MCM9: variants seen among roughly 807,000 people sequenced by gnomAD.
MCM9 encodes DNA helicase MCM9.
A neutral mutation model predicts 72.8 loss-of-function variants in MCM9; 55 were observed. The ratio of observed to expected loss-of-function variants is 0.76; its 90% CI spans 0.61 to 0.95. The LOEUF (loss-of-function observed/expected upper bound fraction) is 0.95. Among genes scored for constraint, MCM9 ranks in the 40% least tolerant of loss-of-function variants. The pLI is 0.00. For synonymous variants in MCM9, 480 were observed against 503.4 expected (o/e 0.95, Z 0.62); for missense variants, 1,279 against 1,377.0 (o/e 0.93, Z 1.13).
chr6:118,815,829 TG>T lies in MCM9; in HGVS notation c.2426del (p.Pro809HisfsTer15), dbSNP rs1422953786. 3 of 1,539,534 alleles carry T rather than the reference TG, an allele frequency of 1.9e-6. No homozygotes were observed. Among genetic ancestry groups the T allele is most frequent in the South Asian group, 1.2e-5 (1 of 84,064 alleles). On this transcript the variant is annotated frameshift_variant, in exon 14 of 14. Transcript: ENST00000619706. LOFTEE classifies it low-confidence loss of function (END_TRUNC). ...LLPSPGETGV[P>X]WRADNVESNK... ...TACTTTCCACATTGTCTGCCCTCCA[TG>T]GAACACCTGTCTCTCCTGGTGATGG...
intron 6 of MCM9, among the ~76,000 whole-genome samples, chr6:118,915,488 G>A (rs1199598015): frequency 6.6e-6 from 1 of 152,164 alleles, no homozygotes; most frequent in Non-Finnish European, 1.5e-5. Context: ...CTAAGCACCA[G>A]GGTCAAGGAA....
chr6:118,830,702 A>G (rs1439599088), intron 9 of MCM9, among the ~76,000 whole-genome samples: 1 of 152,244 alleles, frequency 6.6e-6, no homozygotes, highest in Non-Finnish European at 1.5e-5. Context: ...TGCATATGAC[A>G]TAATTTTTAT....
chr6:118,848,286 T>A (rs1776004398), intron 9 of MCM9, among the ~76,000 whole-genome samples: 1 of 151,910 alleles, frequency 6.6e-6, no homozygotes, highest in Admixed American at 6.5e-5. Flanking sequence ...ACTACATGGC[T>A]AACAGACTGG....
Position 118,815,463 on chromosome 6 carries a change from C to G in MCM9, c.2793G>C (p.Leu931=). The change falls in exon 14 of 14, where the codon CTG becomes CTC. Residue 931 remains leucine (L), a synonymous_variant. Transcript: ENST00000619706. ...AKFTFKQKSK[L]IHSFEDHSHV... The stretch of plus-strand genomic sequence containing the variant: ...GGCTGTGATCTTCAAAGGAGTGGAT[C>G]AGTTTTGACTTCTGCTTGAAAGTAA... The G allele has an allele frequency of 1.3e-6, 2 of 1,549,958 alleles. No individual in the cohort carries two copies. The highest frequency in any genetic ancestry group is 1.7e-6 in the Non-Finnish European group (2 of 1,146,828).
At chr6:118,894,425 T>G (rs984824276) in intron 8 of MCM9, 8 of 1,536,846 alleles carry the variant, frequency 5.2e-6, no homozygotes, top group South Asian at 3.6e-5. Context: ...TGGCAAAGGT[T>G]CAGGTGAACA....
rs1462672774 is a variant in MCM9 at position 118,813,905 on chromosome 6, AT to A, written c.*918del. 6.6e-6 allele frequency: 1 copy of A among 152,040 alleles called. No individual in the cohort carries two copies. The highest frequency in any genetic ancestry group is 6.6e-5 in the Admixed American group (1 of 15,252). The allele number at this position is 152,040 out of a possible 1,614,324, so 9.4% of individuals were successfully genotyped here. A position where few individuals can be genotyped will look rare whatever the true frequency, so the allele number is the denominator to read the frequency against. On this transcript the variant is annotated 3_prime_UTR_variant, in exon 14 of 14. Coordinates refer to ENST00000619706, the MANE Select transcript of MCM9 (RefSeq NM_017696.3). The stretch of plus-strand genomic sequence containing the variant: ...ATAGTCTCTCTTCTTCATTTATTTT[AT>A]TTTTAGAGACAGGATCTCACTCTGT...
At chr6:118,880,297 A>G (rs1194912078) in intron 8 of MCM9, among the ~76,000 whole-genome samples, 1 of 152,194 alleles carries the variant, frequency 6.6e-6, no homozygotes, top group East Asian at 1.9e-4. Context: ...GAAGTTTACA[A>G]GGAACTGTTG....
At chr6:118,884,297 T>A (rs556699809) in intron 8 of MCM9, among the ~76,000 whole-genome samples, 1 of 152,224 alleles carries the variant, frequency 6.6e-6, no homozygotes, top group South Asian at 2.1e-4. Context: ...AATTACAGCA[T>A]AAAAAGGGGA....
intron 13 of MCM9, among the ~76,000 whole-genome samples, chr6:118,817,700 T>C (rs1200644073): frequency 6.6e-6 from 1 of 152,206 alleles, no homozygotes; most frequent in East Asian, 1.9e-4. Flanking sequence ...TCTAGATCCT[T>C]GAGGAATCGC....
chr6:118,822,616 C>T (rs577892659), intron 13 of MCM9, among the ~76,000 whole-genome samples: 1 of 152,300 alleles, frequency 6.6e-6, no homozygotes, highest in East Asian at 1.9e-4. Flanking sequence ...CCTGAGGAAG[C>T]AGTCTGTCCC....
intron 3 of MCM9, among the ~76,000 whole-genome samples, chr6:118,931,187 C>A (rs1782393670): frequency 6.6e-6 from 1 of 152,132 alleles, no homozygotes; most frequent in Non-Finnish European, 1.5e-5. Context: ...TATATAGACA[C>A]ACAAGTATAC....
chr6:118,894,320 G>C, intron 8 of MCM9: 1 of 1,514,436 alleles, frequency 6.6e-7, no homozygotes, highest in Admixed American at 2.1e-5. Context: ...GCCGGCGCTG[G>C]AGCGGGGGTC....
Position 118,816,336 on chromosome 6 carries a change from G to A in MCM9, c.1962-42C>T, listed in dbSNP as rs1773405973. The A allele has an allele frequency of 2.1e-6, 3 of 1,450,542 alleles. No individual in the cohort carries two copies. In the East Asian group the frequency reaches 7.5e-5, roughly 36 times the overall value. The allele number at this position is 1,450,542 out of a possible 1,614,324, so 89.9% of individuals were successfully genotyped here. On this transcript the variant is annotated intron_variant, in intron 13 of 13. Transcript: ENST00000619706. ...TAAATAAAACATGTCTTGAAGGGAAGAGAATTTGTGCTAACCTATTCATTT... is the reference window on the plus strand; with the variant it reads ...TAAATAAAACATGTCTTGAAGGGAAAAGAATTTGTGCTAACCTATTCATTT...
chr6:118,864,462 C>T (rs1224697243), intron 8 of MCM9, among the ~76,000 whole-genome samples: 1 of 152,066 alleles, frequency 6.6e-6, no homozygotes, highest in African/African-American at 2.4e-5. Flanking sequence ...CTGACTCTCC[C>T]TCCACCCACA....
chr6:118,933,868 A>G (rs1029545242), intron 1 of MCM9, among the ~76,000 whole-genome samples: 9 of 148,648 alleles, frequency 6.1e-5, no homozygotes, highest in African/African-American at 2.2e-4. Flanking sequence ...TACGGCCTCC[A>G]CGGTAATTTG....
rs1025864200 is a variant in MCM9, at chr6:118,932,535, T to C, written c.-16+72A>G. 3 of 855,618 alleles carry C rather than the reference T, an allele frequency of 3.5e-6. No individual in the cohort carries two copies. The East Asian group carries it at 3.7e-4, about 104-fold the overall frequency. 53.0% of individuals were successfully genotyped at this position (855,618 alleles called of 1,614,324 possible). ...TTTATATGAACACAGTGTCATTCTT[T>C]CGTGTGCTCTCTCTCTCTTTAGTTA... On this transcript the variant is annotated intron_variant, in intron 2 of 13. Transcript: ENST00000619706.
intron 8 of MCM9, among the ~76,000 whole-genome samples, chr6:118,898,453 C>CT (rs1249117724): frequency 7.0e-6 from 1 of 142,582 alleles, no homozygotes; most frequent in Non-Finnish European, 1.5e-5. Flanking sequence ...TGGAGACAAT[C>CT]TCGTTCCATT....
At chr6:118,898,088 C>T (rs914544602) in intron 8 of MCM9, among the ~76,000 whole-genome samples, 15 of 152,204 alleles carry the variant, frequency 9.9e-5, no homozygotes, top group African/African-American at 3.4e-4. Flanking sequence ...AGAAGAAGCC[C>T]GGGGTTTGTA....
At chr6:118,849,618 T>C (rs866489775) in intron 9 of MCM9, among the ~76,000 whole-genome samples, 4 of 151,718 alleles carry the variant, frequency 2.6e-5, no homozygotes, top group Admixed American at 2.0e-4. Context: ...GGGATAAAAC[T>C]AGAAATTATT....
Sources: gnomAD v4.1 joint callset for allele counts (sites outside exome capture counted in the v4.1 genomes callset) on GRCh38, gnomAD v4.1.1 for gene constraint, MANE v1.5 for transcripts, NCBI Gene and HGNC (gene_info 2026-07-23, HGNC 2026-07-21) for gene names.